Variants in RAPGEF5 observed in about 807,000 individuals in gnomAD.
The protein encoded by RAPGEF5 is Rap guanine nucleotide exchange factor 5.
In RAPGEF5, 65 loss-of-function variants were observed where a neutral mutation model predicts 125.2. The observed-to-expected ratio is 0.52, with a 90% confidence interval of 0.43 to 0.64. The LOEUF is 0.64. Ranked by LOEUF, RAPGEF5 falls within the 30% of genes least tolerant of loss-of-function variation. The pLI, the probability that RAPGEF5 is intolerant of heterozygous loss-of-function variation, is 0.00. For missense variants in RAPGEF5, 958 were observed against 1,048.1 expected, an observed-to-expected ratio of 0.91 and a Z score of 1.19; for synonymous variants, 391 against 385.9, an observed-to-expected ratio of 1.01 and a Z score of -0.16.
At chr7:22,242,499 G>A (rs550729307) in intron 7 of RAPGEF5, among the ~76,000 whole-genome samples, 15 of 152,246 alleles carry the variant, frequency 9.9e-5, no homozygotes, top group African/African-American at 3.4e-4. Flanking sequence ...CAGCTGAGAA[G>A]GGCCCCTGGT....
At chr7:22,253,907 C>G (rs1207573676) in intron 7 of RAPGEF5, among the ~76,000 whole-genome samples, 1 of 151,986 alleles carries the variant, frequency 6.6e-6, no homozygotes, top group Non-Finnish European at 1.5e-5. Flanking sequence ...AACCTGTCAA[C>G]TAAAAATAAA....
chr7:22,157,219 C>A (rs1268665798), intron 15 of RAPGEF5, among the ~76,000 whole-genome samples: 1 of 152,188 alleles, frequency 6.6e-6, no homozygotes, highest in Non-Finnish European at 1.5e-5. Context: ...CAACATTAAC[C>A]TATAAGGTAT....
intron 19 of RAPGEF5, among the ~76,000 whole-genome samples, chr7:22,146,127 T>C (rs190159012): frequency 1.1e-3 from 165 of 152,292 alleles, no homozygotes; most frequent in African/African-American, 3.6e-3. Context: ...GATCATAATA[T>C]TGAAATCTGT....
At chr7:22,339,411 C>T (rs944225902) in intron 1 of RAPGEF5, among the ~76,000 whole-genome samples, 1 of 152,192 alleles carries the variant, frequency 6.6e-6, no homozygotes, top group African/African-American at 2.4e-5. Context: ...CCCTGAAGAG[C>T]GTCCGGATGC....
chr7:22,222,546 C>G (rs1451565829), intron 8 of RAPGEF5, among the ~76,000 whole-genome samples: 4 of 152,082 alleles, frequency 2.6e-5, no homozygotes. Flanking sequence ...TTGGCATGCT[C>G]AAGGATAGGC....
rs78893378 is a variant in RAPGEF5, at chr7:22,294,998, A to G, written c.681-3757T>C. 2.1e-3 allele frequency among the ~76,000 whole-genome samples: 320 copies of G among 152,372 alleles called. 1 individual carries two copies. The highest frequency in any genetic ancestry group is 3.9e-3 in the Non-Finnish European group (262 of 68,026). ...AGCACAATCAAATTTATTAACACCCATCACCACTCATGCTGTACATTAGAC... is the reference window on the plus strand; with the variant it reads ...AGCACAATCAAATTTATTAACACCCGTCACCACTCATGCTGTACATTAGAC... On this transcript the variant is annotated intron_variant, in intron 5 of 25. Transcript: ENST00000665637.
chr7:22,132,376 CTCT>C (rs1408036094), intron 23 of RAPGEF5, among the ~76,000 whole-genome samples: 1 of 46,046 alleles, frequency 2.2e-5, no homozygotes, highest in Admixed American at 3.4e-4. Context: ...TTCCTTTCCT[CTCT>C]TTTTTTTTTT....
intron 25 of RAPGEF5, among the ~76,000 whole-genome samples, chr7:22,123,328 C>A (rs1410350759): frequency 6.6e-6 from 1 of 152,124 alleles, no homozygotes. Context: ...GCCCGTGCAC[C>A]ACAGTCAAAC....
At chr7:22,346,730 A>G (rs1430786158) in intron 1 of RAPGEF5, among the ~76,000 whole-genome samples, 1 of 152,210 alleles carries the variant, frequency 6.6e-6, no homozygotes, top group Non-Finnish European at 1.5e-5. Flanking sequence ...AAGACAACCA[A>G]CTAGGATGCA....
At chr7:22,302,138 G>C (rs1054547402) in intron 5 of RAPGEF5, among the ~76,000 whole-genome samples, 1 of 152,206 alleles carries the variant, frequency 6.6e-6, no homozygotes, top group Non-Finnish European at 1.5e-5. Context: ...TAAACATTAA[G>C]AGAAGCAAAT....
At chr7:22,124,874 T>A (rs1782688774) in intron 25 of RAPGEF5, among the ~76,000 whole-genome samples, 1 of 152,206 alleles carries the variant, frequency 6.6e-6, no homozygotes, top group Admixed American at 6.5e-5. Context: ...TCTGAGTCTC[T>A]GCTTTTTGTT....
chr7:22,119,430 T>C lies in RAPGEF5; in HGVS notation c.*2976A>G, dbSNP rs1782513773. 1 of 152,198 alleles carries C rather than the reference T, an allele frequency of 6.6e-6. No individual in the cohort carries two copies. The highest frequency in any genetic ancestry group is 1.5e-5 in the Non-Finnish European group (1 of 68,026). 9.4% of individuals were successfully genotyped at this position (152,198 alleles called of 1,614,324 possible). On this transcript the variant is annotated 3_prime_UTR_variant, in exon 26 of 26. Coordinates refer to ENST00000665637, the MANE Select transcript of RAPGEF5 (RefSeq NM_012294.5). The surrounding 1 kb of genome is among the most constrained non-coding windows in gnomAD (Gnocchi z 4.1). Reference sequence around the variant, plus strand: ...CAGGTCATGTGTATCACTATAATCATTTGGCAATTATACAGATGACAAAGA... The same window carrying C: ...CAGGTCATGTGTATCACTATAATCACTTGGCAATTATACAGATGACAAAGA...
At chr7:22,217,377 G>A (rs551244303) in intron 9 of RAPGEF5, among the ~76,000 whole-genome samples, 7 of 152,292 alleles carry the variant, frequency 4.6e-5, no homozygotes, top group African/African-American at 1.7e-4. Context: ...AGTGAGGACA[G>A]GAAAAACGAA....
At chr7:22,299,189 T>C (rs1402757056) in intron 5 of RAPGEF5, among the ~76,000 whole-genome samples, 1 of 152,138 alleles carries the variant, frequency 6.6e-6, no homozygotes, top group African/African-American at 2.4e-5. Context: ...CATTTATTCT[T>C]TCCTAATATA....
chr7:22,193,345 C>G (rs766942804), intron 11 of RAPGEF5, 22 bp downstream of exon 11: 2 of 1,562,754 alleles, frequency 1.3e-6, no homozygotes, highest in Non-Finnish European at 1.7e-6. Context: ...AGTCTGGAAG[C>G]ATGAGCTACT....
rs77444851 is a variant in RAPGEF5, at chr7:22,136,652, T to A, written c.2328+281A>T. Reference sequence around the variant, plus strand: ...AATTGCATGCTAAATTTATACTGATTAATTTTGCAGGCTTTGAAATGGACT... The same window carrying A: ...AATTGCATGCTAAATTTATACTGATAAATTTTGCAGGCTTTGAAATGGACT... On this transcript the variant is annotated intron_variant, in intron 22 of 25. Transcript: ENST00000665637. Among the ~76,000 whole-genome samples, 1,104 of 152,256 alleles carry A rather than the reference T, an allele frequency of 7.3e-3. 18 individuals are homozygous for A. Among genetic ancestry groups the A allele is most frequent in the African/African-American group, 0.025 (1,056 of 41,540 alleles).
intron 3 of RAPGEF5, 113 bp from the exon 4 acceptor site, chr7:22,310,203 C>A: frequency 1.7e-6 from 2 of 1,179,314 alleles, no homozygotes; most frequent in Non-Finnish European, 2.2e-6. Context: ...TTTAGACAAG[C>A]AACCCAAGAA....
intron 7 of RAPGEF5, among the ~76,000 whole-genome samples, chr7:22,257,336 A>T (rs560396813): frequency 7.2e-4 from 110 of 152,334 alleles, no homozygotes; most frequent in African/African-American, 2.6e-3. Flanking sequence ...CTGGAACTCT[A>T]CTTAATTAAG....
At chr7:22,129,168 T>A (rs74872084) in intron 24 of RAPGEF5, among the ~76,000 whole-genome samples, 1 of 152,094 alleles carries the variant, frequency 6.6e-6, no homozygotes, top group Non-Finnish European at 1.5e-5. Flanking sequence ...GTTTTTTTTT[T>A]ATTATCTTGT....
Sources: allele counts gnomAD v4.1 joint callset (sites outside exome capture counted in the v4.1 genomes callset), GRCh38; gene constraint gnomAD v4.1.1; non-coding constraint Gnocchi (gnomAD v3.1); transcripts MANE v1.5; gene names NCBI Gene and HGNC (gene_info 2026-07-23, HGNC 2026-07-21).